Variants in PCDH15 observed in about 807,000 individuals in gnomAD.
PCDH15 encodes protocadherin related 15.
PCDH15 carries 129 observed loss-of-function variants against 178.5 expected under a neutral mutation model. The observed-to-expected ratio is 0.72, with a 90% confidence interval of 0.63 to 0.84. The LOEUF (loss-of-function observed/expected upper bound fraction) is 0.84. PCDH15 is among the 40% of genes least tolerant of loss of function. PCDH15 has a pLI of 0.00. For missense variants in PCDH15, 2,230 were observed against 2,099.9 expected (o/e 1.06, Z -1.21); for synonymous variants, 800 against 732.0 (o/e 1.09, Z -1.50).
chr10:54,067,262 G>A (rs1043075713), intron 17 of PCDH15, among the ~76,000 whole-genome samples: 3 of 152,088 alleles, frequency 2.0e-5, no homozygotes, highest in African/African-American at 7.2e-5. Context: ...AGTTTTTGCT[G>A]CTTGTATGTT....
chr10:53,889,459 A>G (rs771861791), intron 26 of PCDH15, among the ~76,000 whole-genome samples: 2 of 152,150 alleles, frequency 1.3e-5, no homozygotes, highest in Non-Finnish European at 2.9e-5. Context: ...AAATATATAA[A>G]GAGACATTTG....
At chr10:54,172,306 C>A (rs2046994402) in intron 13 of PCDH15, among the ~76,000 whole-genome samples, 1 of 151,966 alleles carries the variant, frequency 6.6e-6, no homozygotes. Flanking sequence ...ACCTTGCGAC[C>A]CCCGACTCCT....
chr10:54,201,615 A>G (rs192773221), intron 10 of PCDH15, among the ~76,000 whole-genome samples: 5 of 151,552 alleles, frequency 3.3e-5, no homozygotes, highest in South Asian at 2.1e-4. Context: ...GGTATATGGA[A>G]GAAGGTCAAA....
chr10:54,763,711 T>C (rs1243544612), intron 1 of PCDH15, among the ~76,000 whole-genome samples: 1 of 149,874 alleles, frequency 6.7e-6, no homozygotes, highest in Non-Finnish European at 1.5e-5. Context: ...TATCAAAATA[T>C]CACATTTACT....
chr10:54,629,965 A>G (rs1034112977), intron 2 of PCDH15, among the ~76,000 whole-genome samples: 1 of 152,188 alleles, frequency 6.6e-6, no homozygotes, highest in Non-Finnish European at 1.5e-5. Flanking sequence ...GTTGGGAGCC[A>G]AATTAAGATC....
At chr10:55,221,871 T>G (rs1840884798) in intron 1 of PCDH15, among the ~76,000 whole-genome samples, 1 of 151,672 alleles carries the variant, frequency 6.6e-6, no homozygotes, top group South Asian at 2.1e-4. Flanking sequence ...TTTTTATCAT[T>G]ATTTTTTTTT....
intron 8 of PCDH15, among the ~76,000 whole-genome samples, chr10:54,241,794 T>C (rs746127567): frequency 2.6e-5 from 4 of 151,916 alleles, no homozygotes; most frequent in Non-Finnish European, 5.9e-5. Flanking sequence ...AGATTCATAA[T>C]GAGAAGGTAA....
intron 1 of PCDH15, among the ~76,000 whole-genome samples, chr10:54,669,383 A>G (rs1249378261): frequency 2.0e-5 from 3 of 151,194 alleles, no homozygotes; most frequent in African/African-American, 7.3e-5. Flanking sequence ...CTATAAAAAT[A>G]TATTGATATT....
intron 2 of PCDH15, among the ~76,000 whole-genome samples, chr10:55,534,033 A>C (rs1227150312): frequency 6.6e-6 from 1 of 152,118 alleles, no homozygotes; most frequent in Admixed American, 6.6e-5. Context: ...AGCCATATAC[A>C]GAAGGATAAA....
At chr10:55,007,675 A>G (rs963984181) in intron 2 of PCDH15, among the ~76,000 whole-genome samples, 4 of 152,154 alleles carry the variant, frequency 2.6e-5, no homozygotes, top group African/African-American at 9.7e-5. Flanking sequence ...AATAAATCAC[A>G]GGCTGGGGTT....
At chr10:55,133,122 A>C (rs953332805) in intron 2 of PCDH15, among the ~76,000 whole-genome samples, 1 of 152,204 alleles carries the variant, frequency 6.6e-6, no homozygotes, top group East Asian at 1.9e-4. Flanking sequence ...AACTTGAAAA[A>C]GGAACTGAAG....
At chr10:55,107,228 A>G (rs1837372249) in intron 2 of PCDH15, among the ~76,000 whole-genome samples, 4 of 152,154 alleles carry the variant, frequency 2.6e-5, no homozygotes. Context: ...TGTTAATTAA[A>G]CCCAGACCTA....
chr10:55,316,084 T>C (rs1013823188), intron 1 of PCDH15, among the ~76,000 whole-genome samples: 1 of 152,212 alleles, frequency 6.6e-6, no homozygotes, highest in African/African-American at 2.4e-5. Flanking sequence ...AAAAGTTGGA[T>C]CTAAAAATGT....
chr10:55,425,876 A>C, intron 2 of PCDH15, among the ~76,000 whole-genome samples: 1 of 152,314 alleles, frequency 6.6e-6, no homozygotes, highest in South Asian at 2.1e-4. Context: ...GTATTTTCTT[A>C]AATTAAAATT....
At chr10:55,442,205 T>C (rs1430348952) in intron 2 of PCDH15, among the ~76,000 whole-genome samples, 1 of 151,798 alleles carries the variant, frequency 6.6e-6, no homozygotes, top group Non-Finnish European at 1.5e-5. Context: ...GCAATATAAA[T>C]GCAAAAATCT....
intron 2 of PCDH15, among the ~76,000 whole-genome samples, chr10:54,925,108 G>A (rs913246834): frequency 2.0e-5 from 3 of 152,002 alleles, no homozygotes; most frequent in African/African-American, 7.2e-5. Context: ...AATCCATCTT[G>A]ATTTGTTATT....
chr10:54,753,515 A>AC (rs112661633), intron 1 of PCDH15, among the ~76,000 whole-genome samples: 39 of 145,932 alleles, frequency 2.7e-4, no homozygotes, highest in African/African-American at 6.7e-4. Context: ...AAACAAACAA[A>AC]AAAAAAAACT....
At chr10:55,395,211 GA>G (rs899366431) in intron 2 of PCDH15, among the ~76,000 whole-genome samples, 1 of 130,528 alleles carries the variant, frequency 7.7e-6, no homozygotes, top group African/African-American at 2.7e-5. Context: ...GAGAGAGAGA[GA>G]GAGAGAGAGA....
At chr10:54,929,551 T>C (rs1837715882) in intron 2 of PCDH15, among the ~76,000 whole-genome samples, 1 of 152,230 alleles carries the variant, frequency 6.6e-6, no homozygotes, top group Non-Finnish European at 1.5e-5. Context: ...AGATCTTCCA[T>C]AATTTATCAT....
Sources: gnomAD v4.1 joint callset for allele counts (sites outside exome capture counted in the v4.1 genomes callset) on GRCh38, gnomAD v4.1.1 for gene constraint, MANE v1.5 for transcripts, NCBI Gene and HGNC (gene_info 2026-07-23, HGNC 2026-07-21) for gene names.